Variants in PDE8B observed in about 807,000 individuals in gnomAD.
PDE8B encodes phosphodiesterase 8B, also known as high affinity cAMP-specific and IBMX-insensitive 3',5'-cyclic phosphodiesterase 8B.
PDE8B carries 26 observed loss-of-function variants against 101.3 expected under a neutral mutation model. That is an observed-to-expected ratio of 0.26 (90% CI 0.19 to 0.36). PDE8B has a LOEUF of 0.36. Among genes scored for constraint, PDE8B ranks in the 10% least tolerant of loss-of-function variants. PDE8B has a pLI of 1.00. For synonymous variants in PDE8B, 424 were observed against 429.3 expected (o/e 0.99, Z 0.15); for missense variants, 810 against 1,163.1 (o/e 0.70, Z 4.42).
the PDE8B span, among the ~76,000 whole-genome samples, chr5:77,175,340 C>T: frequency 1.3e-5 from 2 of 152,210 alleles, no homozygotes; most frequent in Admixed American, 6.5e-5. Flanking sequence ...CCCAAGGCCT[C>T]CTCCCTGGCC....
At chr5:77,424,448 A>G (rs1032960529) in intron 20 of PDE8B, among the ~76,000 whole-genome samples, 2 of 152,232 alleles carry the variant, frequency 1.3e-5, no homozygotes, top group African/African-American at 4.8e-5. Flanking sequence ...GCGGATCCTA[A>G]TACTCAGCTC....
chr5:77,190,787 C>T, the PDE8B span, among the ~76,000 whole-genome samples: 1 of 152,314 alleles, frequency 6.6e-6, no homozygotes, highest in South Asian at 2.1e-4. Flanking sequence ...CAACCTCTGT[C>T]TCTCAGTATA....
chr5:77,179,230 A>G, the PDE8B span, among the ~76,000 whole-genome samples: 1 of 152,272 alleles, frequency 6.6e-6, no homozygotes, highest in Non-Finnish European at 1.5e-5. Context: ...GACTAATGTC[A>G]AAAATAATAA....
rs201411330 is a variant in PDE8B, at chr5:77,210,988, C to T, written c.63C>T (p.Asp21=). The T allele has an allele frequency of 7.5e-4, 1,149 of 1,541,786 alleles. 10 individuals are homozygous for T. The African/African-American group carries it at 0.015, about 20-fold the overall frequency. Residue 21 remains aspartate (D), a synonymous_variant, in exon 1 of 22, where the codon GAC becomes GAT. Transcript: ENST00000264917. The surrounding 1 kb of genome is among the most constrained non-coding windows in gnomAD (Gnocchi z 4.9). ...QSGVIYCRDS[D]ESSSPRQTTS... ...GCGTGATCTACTGCCGGGACTCGGA[C>T]GAGTCCAGCTCGCCCCGCCAGACCA...
chr5:77,129,164 T>A, the PDE8B span, among the ~76,000 whole-genome samples: 12 of 151,826 alleles, frequency 7.9e-5, no homozygotes, highest in Admixed American at 2.0e-4. Context: ...CCATCTAATT[T>A]AAAAAAAAAT....
chr5:77,179,748 G>T, the PDE8B span, among the ~76,000 whole-genome samples: 1 of 152,064 alleles, frequency 6.6e-6, no homozygotes, highest in African/African-American at 2.4e-5. Context: ...TTTTCTCAAG[G>T]TTTTTTCTCC....
the PDE8B span, chr5:77,113,833 C>T: frequency 6.6e-6 from 1 of 152,132 alleles, no homozygotes; most frequent in Non-Finnish European, 1.5e-5. Flanking sequence ...AACAAAGAAA[C>T]CCATCAAAAA....
the PDE8B span, chr5:77,148,395 T>C: frequency 6.6e-6 from 1 of 152,238 alleles, no homozygotes; most frequent in South Asian, 2.1e-4. Flanking sequence ...TAGGTTCCTA[T>C]GAGTGGAATC....
At chr5:77,415,994 C>T (rs1306988085) in intron 17 of PDE8B, among the ~76,000 whole-genome samples, 1 of 152,210 alleles carries the variant, frequency 6.6e-6, no homozygotes, top group Non-Finnish European at 1.5e-5. Context: ...ACTGGAATTT[C>T]GCCAGTTGCG....
At chr5:77,129,124 G>T in the PDE8B span, among the ~76,000 whole-genome samples, 1 of 151,934 alleles carries the variant, frequency 6.6e-6, no homozygotes, top group Non-Finnish European at 1.5e-5. Flanking sequence ...AATTACCAAC[G>T]TTTTCCCAAC....
chr5:77,398,480 AC>A (rs1791551969), intron 10 of PDE8B, among the ~76,000 whole-genome samples: 1 of 151,692 alleles, frequency 6.6e-6, no homozygotes, highest in South Asian at 2.1e-4. Context: ...CCGCCACCCC[AC>A]CCAGCTAATA....
At chr5:77,135,007 C>T in the PDE8B span, among the ~76,000 whole-genome samples, 1 of 152,148 alleles carries the variant, frequency 6.6e-6, no homozygotes, top group Non-Finnish European at 1.5e-5. Flanking sequence ...GTGACAGCTA[C>T]GTAGAGGCCA....
At chr5:77,300,510 A>C (rs899832248) in intron 1 of PDE8B, among the ~76,000 whole-genome samples, 2 of 152,232 alleles carry the variant, frequency 1.3e-5, no homozygotes, top group African/African-American at 4.8e-5. Context: ...GCCTGTAAAC[A>C]GACTGCTTCC....
At chr5:77,156,338 CAG>C in the PDE8B span, among the ~76,000 whole-genome samples, 2 of 152,156 alleles carry the variant, frequency 1.3e-5, no homozygotes, top group African/African-American at 4.8e-5. Flanking sequence ...ATTGCAGACT[CAG>C]AGAGGGGAAT....
intron 12 of PDE8B, among the ~76,000 whole-genome samples, chr5:77,405,783 T>A (rs1378701965): frequency 6.6e-6 from 1 of 152,138 alleles, no homozygotes; most frequent in Non-Finnish European, 1.5e-5. Flanking sequence ...ATATCAGAAC[T>A]CGAGAGCGGA....
At chr5:77,385,498 T>G (rs1788368067) in intron 10 of PDE8B, among the ~76,000 whole-genome samples, 1 of 152,020 alleles carries the variant, frequency 6.6e-6, no homozygotes, top group South Asian at 2.1e-4. Flanking sequence ...CTGATCTTAG[T>G]TATTCCTTGT....
At chr5:77,309,892 T>A (rs1174288203) in intron 1 of PDE8B, among the ~76,000 whole-genome samples, 1 of 150,302 alleles carries the variant, frequency 6.7e-6, no homozygotes, top group African/African-American at 2.5e-5. Flanking sequence ...AATGCTGGGA[T>A]TACAGGCATG....
rs958556574 is a variant in PDE8B at position 77,291,268 on chromosome 5, C to T, written c.340-20726C>T. On this transcript the variant is annotated intron_variant, in intron 1 of 21. Coordinates refer to ENST00000264917, the MANE Select transcript of PDE8B (RefSeq NM_003719.5). ...TACGCACAGATCCGAGTTGGGAACC[C>T]ATGGGACCCTAATGTTCTCTATGGG... is the stretch of plus-strand genomic sequence containing the variant. The T allele has an allele frequency of 3.7e-6, 6 of 1,612,856 alleles. No individual in the cohort carries two copies. In the Admixed American group the frequency reaches 8.3e-5, roughly 22 times the overall value.
chr5:77,214,842 TTTGAATTTCTAAC>T (rs1290019661), intron 1 of PDE8B, among the ~76,000 whole-genome samples: 1 of 152,164 alleles, frequency 6.6e-6, no homozygotes, highest in Admixed American at 6.5e-5. Context: ...GGCCTGAGAA[TTTGAATTTCTAAC>T]AAGCTTCCAG....
Sources: gnomAD v4.1 joint callset for allele counts (sites outside exome capture counted in the v4.1 genomes callset) on GRCh38, gnomAD v4.1.1 for gene constraint, Gnocchi (gnomAD v3.1) non-coding constraint, MANE v1.5 for transcripts, NCBI Gene and HGNC (gene_info 2026-07-23, HGNC 2026-07-21) for gene names.